The following MCC variants were observed in gnomAD, a reference collection of about 807,000 sequenced individuals.
MCC encodes MCC regulator of Wnt signaling pathway, also known as colorectal mutant cancer protein.
MCC carries 90 observed loss-of-function variants against 116.2 expected under a neutral mutation model. The ratio of observed to expected loss-of-function variants is 0.77; its 90% confidence interval spans 0.65 to 0.92. The LOEUF (loss-of-function observed/expected upper bound fraction) is 0.92, where lower values mean the gene tolerates loss of function less well. Ranked by LOEUF, MCC falls within the 40% of genes least tolerant of loss-of-function variation. The pLI, the probability that MCC is intolerant of heterozygous loss-of-function variation, is 0.00. For missense variants in MCC, 1,516 were observed against 1,312.2 expected (o/e 1.16, Z -2.40); for synonymous variants, 578 against 510.5 (o/e 1.13, Z -1.78).
At chr5:113,375,204 A>AT (rs367751047) in intron 2 of MCC, among the ~76,000 whole-genome samples, 3,907 of 147,864 alleles carry the variant, frequency 0.026, 170 homozygotes, top group African/African-American at 0.091. Flanking sequence ...ACATTGTTCC[A>AT]TTTTTTTTTT....
intron 17 of MCC, among the ~76,000 whole-genome samples, chr5:113,039,217 T>C (rs552736490): frequency 7.2e-5 from 11 of 152,316 alleles, no homozygotes; most frequent in African/African-American, 2.6e-4. Context: ...AAAGATATTT[T>C]TTACTTATTT....
chr5:113,135,389 C>T (rs1758752912), intron 5 of MCC, among the ~76,000 whole-genome samples: 1 of 43,030 alleles, frequency 2.3e-5, no homozygotes, highest in Admixed American at 3.6e-4. Flanking sequence ...ACCGTCTCTA[C>T]TAAAAATACA....
chr5:113,454,998 C>A (rs1322808638), intron 1 of MCC, among the ~76,000 whole-genome samples: 1 of 152,158 alleles, frequency 6.6e-6, no homozygotes, highest in Non-Finnish European at 1.5e-5. Context: ...TGACCCCAGG[C>A]TCCAGGGTAA....
At position 113,184,478 on chromosome 5, in the gene MCC, T is replaced by C. The variant is rs1236736079; in HGVS notation, c.628-33056A>G. Among the ~76,000 whole-genome samples the C allele has an allele frequency of 4.0e-5, 5 of 125,998 alleles. No homozygotes were observed. In the East Asian group the frequency reaches 6.9e-4, roughly 17 times the overall value. The allele number at this position is 125,998 out of a possible 152,430, so 82.7% of individuals were successfully genotyped here. A position where few individuals can be genotyped will look rare whatever the true frequency, so the allele number is the denominator to read the frequency against. On this transcript the variant is annotated intron_variant, in intron 3 of 18. Transcript: ENST00000408903. ...CAATTTAGTTTCTTTCTTCGTTTTT[T>C]GTTTTTTTTTTTTTTTTTTGGAGAC...
chr5:113,212,620 T>A (rs1402354022), intron 3 of MCC, among the ~76,000 whole-genome samples: 1 of 152,230 alleles, frequency 6.6e-6, no homozygotes, highest in Non-Finnish European at 1.5e-5. Context: ...CACAAAATTC[T>A]CTATCATTTT....
intron 3 of MCC, among the ~76,000 whole-genome samples, chr5:113,186,885 G>A (rs1227656936): frequency 6.6e-6 from 1 of 152,148 alleles, no homozygotes; most frequent in Non-Finnish European, 1.5e-5. Flanking sequence ...TCACAACCGG[G>A]GGAGGATAGG....
intron 3 of MCC, among the ~76,000 whole-genome samples, chr5:113,290,601 G>A (rs753376821): frequency 6.6e-6 from 1 of 152,168 alleles, no homozygotes; most frequent in Non-Finnish European, 1.5e-5. Context: ...CTTCCTTCCA[G>A]ATACCTGGGA....
intron 3 of MCC, among the ~76,000 whole-genome samples, chr5:113,262,686 A>C (rs1414469942): frequency 2.0e-5 from 3 of 152,180 alleles, no homozygotes; most frequent in Non-Finnish European, 4.4e-5. Flanking sequence ...ATCCAAACAC[A>C]GGTTTGGGAC....
intron 1 of MCC, among the ~76,000 whole-genome samples, chr5:113,453,901 G>T (rs1771469901): frequency 6.6e-6 from 1 of 152,090 alleles, no homozygotes; most frequent in South Asian, 2.1e-4. Context: ...ACCTGAGGTT[G>T]GGAGTTCGAG....
At chr5:113,173,727 T>C (rs1229697157) in intron 3 of MCC, among the ~76,000 whole-genome samples, 3 of 152,218 alleles carry the variant, frequency 2.0e-5, no homozygotes, top group African/African-American at 7.2e-5. Flanking sequence ...TCTCAGTATA[T>C]TCTATTCCTA....
intron 3 of MCC, among the ~76,000 whole-genome samples, chr5:113,227,187 A>G (rs142830279): frequency 6.8e-4 from 103 of 152,286 alleles, no homozygotes; most frequent in African/African-American, 2.5e-3. Context: ...ATTGCCCATA[A>G]TATTTCTCTA....
At chr5:113,027,667 G>C (rs954997147) in intron 18 of MCC, among the ~76,000 whole-genome samples, 185 bp from the exon 19 acceptor site, 1 of 151,918 alleles carries the variant, frequency 6.6e-6, no homozygotes, top group African/African-American at 2.4e-5. Flanking sequence ...AACACTCAAC[G>C]GCCAGTCACC....
In MCC at chr5:113,085,231, C is replaced by T. The variant is rs765539734; in HGVS notation, c.1478G>A (p.Arg493His). 46 of 1,613,962 alleles carry T rather than the reference C, an allele frequency of 2.9e-5. No homozygotes were observed. Among genetic ancestry groups the T allele is most frequent in the East Asian group, 6.7e-5 (3 of 44,870 alleles). ...CTCCCCAGTGCTGGGGTTAATCGGG[C>T]GGTTGGTGGAAGTGAGGCGGCCAGG... ...SSPGRLTSTNRPINPSTGELS... is the reference protein window; with the variant it reads ...SSPGRLTSTNHPINPSTGELS... Residue 493 changes from arginine to histidine, a missense_variant, in exon 9 of 19, where the codon CGC becomes CAC. By Grantham distance (29) the Arg-to-His change is conservative (BLOSUM62 0). Transcript: ENST00000408903.
rs6889226 is a variant in MCC, at chr5:113,363,309, C to T, written c.415+21659G>A. Among the ~76,000 whole-genome samples, 218 of 152,168 alleles carry T rather than the reference C, an allele frequency of 1.4e-3. 1 individual carries two copies. The highest frequency in any genetic ancestry group is 5.0e-3 in the African/African-American group (208 of 41,534). On this transcript the variant is annotated intron_variant, in intron 2 of 18. Coordinates refer to ENST00000408903, the MANE Select transcript of MCC (RefSeq NM_001085377.2). Reference sequence around the variant, plus strand: ...AAAACAAAAAAACAAACAAAAAAAACCCTGGGAGCAGGTAATTTATAAAGA... The same window carrying T: ...AAAACAAAAAAACAAACAAAAAAAATCCTGGGAGCAGGTAATTTATAAAGA...
intron 1 of MCC, among the ~76,000 whole-genome samples, chr5:113,467,900 A>G (rs374993350): frequency 1.3e-5 from 2 of 151,626 alleles, no homozygotes; most frequent in African/African-American, 4.9e-5. Context: ...GGTCCTTCAC[A>G]TCCCTTGTAA....
At chr5:113,056,674 A>T (rs1752857369) in intron 14 of MCC, among the ~76,000 whole-genome samples, 1 of 152,226 alleles carries the variant, frequency 6.6e-6, no homozygotes, top group Non-Finnish European at 1.5e-5. Context: ...AACCTCCATG[A>T]CATGAGTTTA....
rs1162568643 is a variant in MCC at position 113,099,357 on chromosome 5, T to C, written c.1398+2382A>G. 2.0e-5 allele frequency among the ~76,000 whole-genome samples: 3 copies of C among 152,344 alleles called. No homozygotes were observed. In the East Asian group the frequency reaches 5.8e-4, roughly 29 times the overall value. ...GTGTGCAGGCCTGTATGTGTGTGTG[T>C]GTAATTATCCAATGTCCATGTTGGA... On this transcript the variant is annotated intron_variant, in intron 8 of 18. Coordinates refer to ENST00000408903, the MANE Select transcript of MCC (RefSeq NM_001085377.2).
At chr5:113,227,064 TCA>T (rs926807317) in intron 3 of MCC, among the ~76,000 whole-genome samples, 6 of 152,348 alleles carry the variant, frequency 3.9e-5, no homozygotes, top group Non-Finnish European at 7.4e-5. Context: ...ACACCCAGGC[TCA>T]GTTTTTCTTT....
intron 3 of MCC, among the ~76,000 whole-genome samples, chr5:113,165,368 A>T (rs1760712260): frequency 6.6e-6 from 1 of 152,132 alleles, no homozygotes; most frequent in Admixed American, 6.5e-5. Flanking sequence ...TCTTCCCCCT[A>T]CCTACAAGAA....
Sources: allele counts gnomAD v4.1 joint callset (sites outside exome capture counted in the v4.1 genomes callset), GRCh38; gene constraint gnomAD v4.1.1; transcripts MANE v1.5; gene names NCBI Gene and HGNC (gene_info 2026-07-23, HGNC 2026-07-21).